The following ANO1 variants were observed in gnomAD, a reference collection of about 807,000 sequenced individuals.
ANO1 encodes anoctamin 1.
Under a neutral mutation model 124.0 loss-of-function variants are expected in ANO1, and 59 were observed. The observed-to-expected ratio is 0.48, with a 90% CI of 0.39 to 0.59. ANO1 has a LOEUF of 0.59. ANO1 is among the 20% of genes least tolerant of loss of function. The probability of loss-of-function intolerance (pLI) is 0.00; values close to 1 mark genes in which losing one functional copy is unlikely to be tolerated. For missense variants in ANO1, 1,059 were observed against 1,328.0 expected (o/e 0.80, Z 3.15); for synonymous variants, 529 against 532.0 (o/e 0.99, Z 0.08).
chr11:70,182,717 C>T (rs757204763), intron 24 of ANO1, 31 bp downstream of exon 24: 4 of 1,455,568 alleles, frequency 2.7e-6, no homozygotes, highest in Non-Finnish European at 3.6e-6. Context: ...CTTTGAAAAG[C>T]CACGTTTATT....
At chr11:70,046,797 G>C (rs1857266290) in intron 1 of ANO1, among the ~76,000 whole-genome samples, 1 of 152,072 alleles carries the variant, frequency 6.6e-6, no homozygotes, top group Non-Finnish European at 1.5e-5. Flanking sequence ...CATTAAGCTG[G>C]GTGTGGTGGT....
At chr11:70,079,276 G>A (rs2044132904) in intron 1 of ANO1, among the ~76,000 whole-genome samples, 1 of 152,096 alleles carries the variant, frequency 6.6e-6, no homozygotes, top group Non-Finnish European at 1.5e-5. Context: ...CACTGGGCCT[G>A]GTACCCTGGC....
At chr11:70,027,741 TC>T (rs1332418277) in intron 1 of ANO1, among the ~76,000 whole-genome samples, 2 of 152,158 alleles carry the variant, frequency 1.3e-5, no homozygotes, top group Non-Finnish European at 2.9e-5. Context: ...CAGGGGTGAT[TC>T]CAGGGAGGTG....
chr11:70,074,562 G>A (rs1215797041), upstream of ANO1, among the ~76,000 whole-genome samples: 2 of 152,150 alleles, frequency 1.3e-5, no homozygotes, highest in African/African-American at 4.8e-5. Flanking sequence ...ACCTCTCCAG[G>A]TGTGTGCACC....
chr11:70,148,125 G>T (rs2047452673), intron 11 of ANO1, among the ~76,000 whole-genome samples: 1 of 152,088 alleles, frequency 6.6e-6, no homozygotes, highest in African/African-American at 2.4e-5. Flanking sequence ...CATGACTTTC[G>T]TTCTTTCCTG....
At position 70,095,923 on chromosome 11, in the gene ANO1, A is replaced by G. The variant is rs543693333; in HGVS notation, c.442-7143A>G. Among the ~76,000 whole-genome samples the G allele has an allele frequency of 3.1e-3, 479 of 152,234 alleles. 5 individuals carry two copies. The highest frequency in any genetic ancestry group is 3.1e-3 in the Non-Finnish European group (209 of 68,016). Reference sequence around the variant, plus strand: ...GGTTCTTTTCCAAGTCAGCTATGTCATGTTTTAATAGTTTCCTGTCCTTTG... The same window carrying G: ...GGTTCTTTTCCAAGTCAGCTATGTCGTGTTTTAATAGTTTCCTGTCCTTTG... On this transcript the variant is annotated intron_variant, in intron 2 of 25. Transcript: ENST00000355303.
chr11:70,131,429 G>C (rs558928938), intron 10 of ANO1, among the ~76,000 whole-genome samples: 11 of 152,302 alleles, frequency 7.2e-5, no homozygotes, highest in Non-Finnish European at 1.3e-4. Flanking sequence ...CAGGGTTCAA[G>C]CGATTCTTCT....
At chr11:70,133,581 G>A (rs573674848) in intron 11 of ANO1, among the ~76,000 whole-genome samples, 36 of 152,200 alleles carry the variant, frequency 2.4e-4, no homozygotes, top group Middle Eastern at 3.4e-3. Flanking sequence ...TCCTTATGGC[G>A]CCTCCGTCCT....
At chr11:70,073,940 C>A (rs1239598580), upstream of ANO1, among the ~76,000 whole-genome samples, 1 of 149,730 alleles carries the variant, frequency 6.7e-6, no homozygotes, top group Non-Finnish European at 1.5e-5. Flanking sequence ...CGTCAAGCTG[C>A]GGTTGGCCGG....
At chr11:70,045,969 C>T (rs1216054929) in intron 1 of ANO1, among the ~76,000 whole-genome samples, 7 of 152,118 alleles carry the variant, frequency 4.6e-5, no homozygotes, top group South Asian at 4.1e-4. Flanking sequence ...TCAACTTAGA[C>T]GACTGTTCAA....
chr11:70,087,943 C>T lies in ANO1; in HGVS notation c.300C>T (p.Pro100=). Residue 100 remains proline (P), a synonymous_variant, in exon 2 of 26, where the codon CCC becomes CCT. Transcript: ENST00000355303. Reference sequence around the variant, plus strand: ...CTCGCAGCGTCAAGCAGGACCACCCCCTGCCGGGCAAGGGGGCGTCGCTGG... The same window carrying T: ...CTCGCAGCGTCAAGCAGGACCACCCTCTGCCGGGCAAGGGGGCGTCGCTGG... The part of the protein sequence containing the change: ...SGARSVKQDH[P]LPGKGASLDA... 1.2e-6 allele frequency: 2 copies of T among 1,602,182 alleles called. No homozygotes were observed. The highest frequency in any genetic ancestry group is 1.3e-5 in the African/African-American group (1 of 74,848).
Position 70,124,345 on chromosome 11 carries a change from C to G in ANO1, c.898-5C>G. ...TCACCAACCCCACTGCTTCCTCCCCCTCAGCTCCTGTACGAAGAGTGGGCA... is the reference window on the plus strand; with the variant it reads ...TCACCAACCCCACTGCTTCCTCCCCGTCAGCTCCTGTACGAAGAGTGGGCA... On this transcript the variant is annotated splice_region_variant and splice_polypyrimidine_tract_variant and intron_variant, in intron 8 of 25. Transcript: ENST00000355303. 1 of 1,613,846 alleles carries G rather than the reference C, an allele frequency of 6.2e-7. No homozygotes were observed. Among genetic ancestry groups the G allele is most frequent in the South Asian group, 1.1e-5 (1 of 91,076 alleles).
chr11:70,085,432 T>G, intron 1 of ANO1: 1 of 1,532,994 alleles, frequency 6.5e-7, no homozygotes, highest in South Asian at 1.2e-5. Flanking sequence ...TGAGTCCAGG[T>G]CCTCCTGAAG....
intron 1 of ANO1, among the ~76,000 whole-genome samples, chr11:70,050,488 G>A (rs1857336056): frequency 6.6e-6 from 1 of 152,108 alleles, no homozygotes; most frequent in Non-Finnish European, 1.5e-5. Context: ...CCTCCCTGTA[G>A]GCTTTTCCAA....
the ANO1 span, among the ~76,000 whole-genome samples, chr11:69,967,681 G>A: frequency 6.6e-6 from 1 of 152,246 alleles, no homozygotes; most frequent in Admixed American, 6.5e-5. Flanking sequence ...GTTTACACAA[G>A]AGTAAAGCTG....
At chr11:69,975,806 C>T in the ANO1 span, among the ~76,000 whole-genome samples, 1 of 152,248 alleles carries the variant, frequency 6.6e-6, no homozygotes, top group African/African-American at 2.4e-5. Context: ...TTTAGCGCAG[C>T]TGGTCCAGAA....
intron 1 of ANO1, among the ~76,000 whole-genome samples, chr11:70,080,784 C>T (rs983908621): frequency 1.3e-5 from 2 of 152,188 alleles, no homozygotes; most frequent in South Asian, 4.1e-4. Flanking sequence ...ATCAGAGGCG[C>T]GCGCTGTGGG....
At chr11:70,010,191 A>ATATATATATATATATATATATATATC (rs1565159762) in intron 1 of ANO1, among the ~76,000 whole-genome samples, 1 of 122,970 alleles carries the variant, frequency 8.1e-6, no homozygotes. Context: ...ATATATATAT[A>ATATATATATATATATATATATATATC]TATATATCAC....
chr11:69,968,667 A>G, the ANO1 span, among the ~76,000 whole-genome samples: 5 of 152,292 alleles, frequency 3.3e-5, no homozygotes, highest in Non-Finnish European at 7.4e-5. Context: ...TCGCTCTGTC[A>G]TTCCTCAGGC....
Sources: gnomAD v4.1 joint callset for allele counts (sites outside exome capture counted in the v4.1 genomes callset) on GRCh38, gnomAD v4.1.1 for gene constraint, MANE v1.5 for transcripts, NCBI Gene and HGNC (gene_info 2026-07-23, HGNC 2026-07-21) for gene names.